The following SMYD3 variants were observed in gnomAD, a reference collection of about 807,000 sequenced individuals.
The protein encoded by SMYD3 is SET and MYND domain containing 3, also known as histone-lysine N-methyltransferase SMYD3.
In SMYD3, 36 loss-of-function variants were observed where a neutral mutation model predicts 57.7. That is an observed-to-expected ratio of 0.62 (90% CI 0.48 to 0.82). SMYD3 has a LOEUF of 0.82. Ranked by LOEUF, SMYD3 falls within the 40% of genes least tolerant of loss-of-function variation. The pLI, the probability that SMYD3 is intolerant of heterozygous loss-of-function variation, is 0.00. For missense variants in SMYD3, 515 were observed against 538.8 expected, an observed-to-expected ratio of 0.96 and a Z score of 0.44; for synonymous variants, 211 against 195.0, an observed-to-expected ratio of 1.08 and a Z score of -0.68.
At chr1:245,939,017 G>C (rs1333716041) in intron 5 of SMYD3, among the ~76,000 whole-genome samples, 1 of 151,990 alleles carries the variant, frequency 6.6e-6, no homozygotes, top group Non-Finnish European at 1.5e-5. Context: ...GTGGTGGCCT[G>C]AGGCTATATT....
At position 246,275,023 on chromosome 1, in the gene SMYD3, A is replaced by AT. The variant is rs990153734; in HGVS notation, c.531+52177dup. ...TCATCCTTTTGACTTTTATAGGCAGATTTTTTTTGAGAATTTTTAAAAATT... is the reference window on the plus strand; with the variant it reads ...TCATCCTTTTGACTTTTATAGGCAGATTTTTTTTTGAGAATTTTTAAAAATT... On this transcript the variant is annotated intron_variant, in intron 5 of 11. Coordinates refer to ENST00000490107, the MANE Select transcript of SMYD3 (RefSeq NM_001167740.2). Among the ~76,000 whole-genome samples, 149 of 152,102 alleles carry AT rather than the reference A, an allele frequency of 9.8e-4. 2 individuals are homozygous for AT. Among genetic ancestry groups the AT allele is most frequent in the Non-Finnish European group, 2.4e-4 (16 of 67,982 alleles).
At chr1:246,336,987 G>A (rs1288335700) in intron 2 of SMYD3, among the ~76,000 whole-genome samples, 2 of 152,260 alleles carry the variant, frequency 1.3e-5, no homozygotes, top group Middle Eastern at 3.4e-3. Context: ...TTTATTCCAA[G>A]AATGCTAATC....
chr1:246,094,589 T>C (rs1417671273), intron 5 of SMYD3, among the ~76,000 whole-genome samples: 2 of 152,206 alleles, frequency 1.3e-5, no homozygotes, highest in Admixed American at 6.5e-5. Context: ...TCCAGACTTT[T>C]AAAGCCCTCT....
chr1:245,864,802 CAGA>C (rs1353310004), intron 8 of SMYD3, among the ~76,000 whole-genome samples: 3 of 152,128 alleles, frequency 2.0e-5, no homozygotes, highest in Non-Finnish European at 2.9e-5. Flanking sequence ...TTTAAAAAAA[CAGA>C]AGAATAGGAT....
chr1:245,925,838 C>T (rs982098748), intron 7 of SMYD3, among the ~76,000 whole-genome samples: 8 of 152,042 alleles, frequency 5.3e-5, no homozygotes, highest in Admixed American at 2.6e-4. Context: ...CCACTATAAG[C>T]GAGAACTCAA....
At chr1:245,984,766 A>AT (rs2058669797) in intron 5 of SMYD3, among the ~76,000 whole-genome samples, 1 of 152,208 alleles carries the variant, frequency 6.6e-6, no homozygotes, top group African/African-American at 2.4e-5. Context: ...TTCCCTAAGC[A>AT]TATAAACATG....
chr1:245,814,848 G>A (rs10802270), intron 10 of SMYD3, among the ~76,000 whole-genome samples: 92,677 of 148,562 alleles, frequency 0.62, 33,867 homozygotes, highest in Non-Finnish European at 0.83. Flanking sequence ...ACACATGCAC[G>A]CACACACACG....
chr1:246,467,575 A>G (rs1342548300), intron 1 of SMYD3, among the ~76,000 whole-genome samples: 5 of 152,212 alleles, frequency 3.3e-5, no homozygotes, highest in African/African-American at 4.8e-5. Context: ...AACCAACTCA[A>G]TAACATAAAA....
At chr1:245,916,146 T>C (rs2147778547) in intron 7 of SMYD3, among the ~76,000 whole-genome samples, 1 of 151,964 alleles carries the variant, frequency 6.6e-6, no homozygotes, top group Non-Finnish European at 1.5e-5. Context: ...CTCTTATTTG[T>C]ATCTAGGTTT....
intron 5 of SMYD3, among the ~76,000 whole-genome samples, chr1:246,055,188 A>C (rs2060130671): frequency 6.6e-6 from 1 of 151,874 alleles, no homozygotes; most frequent in Admixed American, 6.6e-5. Context: ...AAAAAAACAA[A>C]AAAAAAAACA....
chr1:246,007,202 T>C (rs1032118462), intron 5 of SMYD3, among the ~76,000 whole-genome samples: 5 of 152,226 alleles, frequency 3.3e-5, no homozygotes, highest in Admixed American at 1.3e-4. Context: ...CCGTAACTTA[T>C]CCTTCCCAAT....
At chr1:246,033,180 T>A (rs1037726457) in intron 5 of SMYD3, among the ~76,000 whole-genome samples, 1 of 151,950 alleles carries the variant, frequency 6.6e-6, no homozygotes, top group Non-Finnish European at 1.5e-5. Context: ...AAGGTTAAAC[T>A]GTGGTCCATC....
intron 1 of SMYD3, among the ~76,000 whole-genome samples, chr1:246,436,123 TGAGA>T (rs913786050): frequency 7.9e-5 from 12 of 151,526 alleles, no homozygotes; most frequent in African/African-American, 2.9e-4. Context: ...TTCACCCACT[TGAGA>T]GAGAAAATAT....
In SMYD3 at chr1:246,134,712, C is replaced by G. The variant is rs940959169; in HGVS notation, c.531+192489G>C. Among the ~76,000 whole-genome samples the G allele has an allele frequency of 3.3e-5, 5 of 152,164 alleles. No homozygotes were observed. In the South Asian group the frequency reaches 6.2e-4, roughly 19 times the overall value. ...CTCTGAACAGGAGACATAAGACCCT[C>G]TGACTTTTAGAGGGTTAAATAACCA... On this transcript the variant is annotated intron_variant, in intron 5 of 11. Transcript: ENST00000490107.
At chr1:245,984,244 C>T (rs1232033718) in intron 5 of SMYD3, among the ~76,000 whole-genome samples, 6 of 152,104 alleles carry the variant, frequency 3.9e-5, no homozygotes, top group East Asian at 1.9e-4. Context: ...TGATCCGTCC[C>T]GCCTTGGCCT....
At chr1:246,327,088 C>CATT (rs2065365959) in intron 5 of SMYD3, 113 bp downstream of exon 5, 2 of 1,214,578 alleles carry the variant, frequency 1.6e-6, no homozygotes, top group Non-Finnish European at 2.4e-6. Context: ...TAATATAAGG[C>CATT]ATTAAGGGTC....
chr1:246,402,546 A>C (rs2066790395), intron 1 of SMYD3, among the ~76,000 whole-genome samples: 1 of 152,040 alleles, frequency 6.6e-6, no homozygotes. Flanking sequence ...AACATCATTG[A>C]ACTATTTGTT....
At chr1:246,194,133 G>A (rs1263429432) in intron 5 of SMYD3, among the ~76,000 whole-genome samples, 2 of 152,068 alleles carry the variant, frequency 1.3e-5, no homozygotes, top group Admixed American at 1.3e-4. Context: ...CACTATACTG[G>A]GAAAGTTAAA....
At chr1:245,978,139 G>A (rs531416116) in intron 5 of SMYD3, among the ~76,000 whole-genome samples, 17 of 152,256 alleles carry the variant, frequency 1.1e-4, no homozygotes, top group Admixed American at 3.3e-4. Flanking sequence ...TGAAGTAAAC[G>A]CTTCCAAGTC....
Sources: allele counts gnomAD v4.1 joint callset (sites outside exome capture counted in the v4.1 genomes callset), GRCh38; gene constraint gnomAD v4.1.1; transcripts MANE v1.5; gene names NCBI Gene and HGNC (gene_info 2026-07-23, HGNC 2026-07-21).